Variants in ARIH2 observed in about 807,000 individuals in gnomAD.
The protein encoded by ARIH2 is E3 ubiquitin-protein ligase ARIH2.
In ARIH2, 12 loss-of-function variants were observed where a neutral mutation model predicts 79.8. The observed-to-expected ratio is 0.15, with a 90% CI of 0.10 to 0.24. The LOEUF is 0.24. Among genes scored for constraint, ARIH2 ranks in the 10% least tolerant of loss-of-function variants. ARIH2 has a pLI of 1.00. For missense variants in ARIH2, 301 were observed against 618.3 expected (o/e 0.49, Z 5.44); for synonymous variants, 224 against 213.9 (o/e 1.05, Z -0.41).
At chr3:48,971,702 G>C (rs1173343971) in intron 8 of ARIH2, among the ~76,000 whole-genome samples, 1 of 152,154 alleles carries the variant, frequency 6.6e-6, no homozygotes, top group South Asian at 2.1e-4. Flanking sequence ...GTGTGTGTAC[G>C]CACATGCCTG....
intron 3 of ARIH2, chr3:48,949,034 T>G: frequency 2.2e-6 from 1 of 456,612 alleles, no homozygotes; most frequent in Non-Finnish European, 4.4e-6. Flanking sequence ...CAGGGCTTAA[T>G]ATAGCCATGT....
intron 3 of ARIH2, among the ~76,000 whole-genome samples, chr3:48,959,842 A>G (rs144968352): frequency 3.2e-4 from 49 of 152,240 alleles, no homozygotes; most frequent in African/African-American, 1.2e-3. Flanking sequence ...ATAGCCTTTG[A>G]CACTCATTAT....
intron 7 of ARIH2, among the ~76,000 whole-genome samples, chr3:48,969,831 G>C (rs972067808): frequency 6.6e-6 from 1 of 151,452 alleles, no homozygotes; most frequent in Non-Finnish European, 1.5e-5. Context: ...AGGATAAACA[G>C]AAGGCCTTGT....
intron 15 of ARIH2, 89 bp downstream of exon 15, chr3:48,983,068 T>G: frequency 1.3e-6 from 2 of 1,491,478 alleles, no homozygotes; most frequent in Non-Finnish European, 1.9e-6. Context: ...TGTGCACTGG[T>G]AGCTGCTGCT....
At chr3:48,935,930 T>C (rs1284452372) in intron 3 of ARIH2, among the ~76,000 whole-genome samples, 6 of 152,158 alleles carry the variant, frequency 3.9e-5, no homozygotes, top group Non-Finnish European at 1.5e-5. Context: ...TCATATACTT[T>C]GGATTATTTT....
chr3:48,942,257 G>T (rs1037170846), intron 3 of ARIH2, among the ~76,000 whole-genome samples: 1 of 152,000 alleles, frequency 6.6e-6, no homozygotes, highest in African/African-American at 2.4e-5. Flanking sequence ...CACCATGTTG[G>T]CCAGGCTGGT....
intron 3 of ARIH2, among the ~76,000 whole-genome samples, chr3:48,958,876 A>G (rs1239925569): frequency 1.3e-5 from 2 of 151,566 alleles, no homozygotes; most frequent in African/African-American, 2.4e-5. Flanking sequence ...TTAGCTGGAC[A>G]TGGTGTCTTG....
intron 3 of ARIH2, among the ~76,000 whole-genome samples, chr3:48,939,977 AC>A (rs1559750573): frequency 6.6e-6 from 1 of 152,052 alleles, no homozygotes; most frequent in Non-Finnish European, 1.5e-5. Context: ...TAATCCCAGC[AC>A]TTTGGGAGGC....
chr3:48,968,935 G>A (rs1335555380), intron 7 of ARIH2, among the ~76,000 whole-genome samples: 1 of 152,136 alleles, frequency 6.6e-6, no homozygotes, highest in African/African-American at 2.4e-5. Flanking sequence ...CCTGGCTGGA[G>A]TGCAGTGGCG....
chr3:48,933,360 G>A (rs2086657918), intron 3 of ARIH2, among the ~76,000 whole-genome samples: 1 of 150,970 alleles, frequency 6.6e-6, no homozygotes. Context: ...ACGGGGTTTT[G>A]CCATGTTACC....
At chr3:48,947,313 TGCCTATAATCCCA>T (rs1263004797) in intron 3 of ARIH2, among the ~76,000 whole-genome samples, 3 of 152,082 alleles carry the variant, frequency 2.0e-5, no homozygotes, top group Non-Finnish European at 2.9e-5. Context: ...TTGTAGCGCA[TGCCTATAATCCCA>T]GCTACTCGGG....
At chr3:48,919,292 G>A (rs1046091742) in intron 1 of ARIH2, 34 of 1,062,378 alleles carry the variant, frequency 3.2e-5, no homozygotes, top group Non-Finnish European at 4.0e-5. Context: ...TGTCTGGCGC[G>A]GCGGGGAAAC....
At chr3:48,927,877 A>T in intron 3 of ARIH2, 64 bp downstream of exon 3, 1 of 1,571,198 alleles carries the variant, frequency 6.4e-7, no homozygotes. Context: ...AGCTGTTGTT[A>T]ATTAATGTCT....
intron 3 of ARIH2, among the ~76,000 whole-genome samples, chr3:48,932,954 C>CT (rs2086571722): frequency 1.3e-5 from 2 of 152,198 alleles, no homozygotes; most frequent in South Asian, 4.1e-4. Context: ...GGAGGGTTAT[C>CT]TTCTGGGCTG....
chr3:48,976,328 C>T (rs1056469690), intron 11 of ARIH2, among the ~76,000 whole-genome samples: 16 of 151,026 alleles, frequency 1.1e-4, no homozygotes, highest in African/African-American at 3.4e-4. Flanking sequence ...ATTCTCACTC[C>T]GCCTCCCCAG....
intron 5 of ARIH2, among the ~76,000 whole-genome samples, chr3:48,966,035 T>C (rs761792425): frequency 5.9e-5 from 9 of 152,184 alleles, no homozygotes; most frequent in Non-Finnish European, 1.3e-4. Context: ...CACCTAATTA[T>C]ATCTATAAAC....
chr3:48,950,254 C>T (rs932044265), intron 3 of ARIH2, among the ~76,000 whole-genome samples: 4 of 151,972 alleles, frequency 2.6e-5, no homozygotes, highest in African/African-American at 9.7e-5. Flanking sequence ...TATGAGTTTC[C>T]TTTTAGACTC....
chr3:48,940,757 T>G (rs1399080025), intron 3 of ARIH2, among the ~76,000 whole-genome samples: 1 of 135,666 alleles, frequency 7.4e-6, no homozygotes, highest in East Asian at 2.2e-4. Flanking sequence ...ATTGCACCAC[T>G]GCACTTCAGC....
chr3:48,923,799 G>A (rs1029071722), intron 2 of ARIH2, among the ~76,000 whole-genome samples: 11 of 151,938 alleles, frequency 7.2e-5, no homozygotes, highest in African/African-American at 2.4e-4. Context: ...GGGATTACAG[G>A]TGTGAGCCAC....
Sources: allele counts gnomAD v4.1 joint callset (sites outside exome capture counted in the v4.1 genomes callset), GRCh38; gene constraint gnomAD v4.1.1; transcripts MANE v1.5; gene names NCBI Gene and HGNC (gene_info 2026-07-23, HGNC 2026-07-21).